The following GJB7 variants were observed in gnomAD, a reference collection of about 807,000 sequenced individuals.
GJB7 encodes the protein gap junction beta-7 protein.
For missense variants in GJB7, 253 were observed against 256.8 expected (o/e 0.99, Z 0.10); for synonymous variants, 87 against 95.2 (o/e 0.91, Z 0.50).
At chr6:87,320,876 T>A (rs1776647449) in intron 2 of GJB7, among the ~76,000 whole-genome samples, 2 of 152,098 alleles carry the variant, frequency 1.3e-5, no homozygotes, top group Admixed American at 1.3e-4. Context: ...AAAGAATAGA[T>A]GTGAATGTCT....
chr6:87,327,694 C>T (rs1393616296), intron 1 of GJB7, among the ~76,000 whole-genome samples: 2 of 146,084 alleles, frequency 1.4e-5, no homozygotes, highest in East Asian at 4.0e-4. Flanking sequence ...AACATTTTTT[C>T]CTTCATTTCA....
rs1280225148 is a variant in GJB7 at position 87,284,809 on chromosome 6, A to G, written c.104T>C (p.Val35Ala). The G allele has an allele frequency of 1.2e-6, 2 of 1,614,126 alleles. No homozygotes were observed. The highest frequency in any genetic ancestry group is 1.7e-6 in the Non-Finnish European group (2 of 1,180,016). Reference protein sequence around the residue: ...LAVVFVFRLLVYMVAAEHVWK... With the variant: ...LAVVFVFRLLAYMVAAEHVWK... ...CACGTGCTCTGCTGCCACCATGTAG[A>G]CCAGCAAACGGAAGACAAACACGAC... The change falls in exon 3 of 3, where the codon GTC (valine) becomes GCC (alanine). Residue 35 changes from valine (V) to alanine (A), a missense_variant. Physicochemically the swap from Val to Ala is moderately conservative, Grantham distance 64. Coordinates refer to ENST00000525899, the MANE Select transcript of GJB7 (RefSeq NM_198568.3).
chr6:87,326,331 C>G (rs916865942), intron 1 of GJB7, among the ~76,000 whole-genome samples: 3 of 152,072 alleles, frequency 2.0e-5, no homozygotes, highest in Non-Finnish European at 4.4e-5. Flanking sequence ...TTTGCTCTTG[C>G]TTTTCTAGTT....
At position 87,285,720 on chromosome 6, in the gene GJB7, GTGT is replaced by G. The variant is rs1270617380; in HGVS notation, c.-27-784_-27-782del. On this transcript the variant is annotated intron_variant, in intron 2 of 2. Transcript: ENST00000525899. ...TCTCTCAGTATACAAATATGCTTAA[GTGT>G]TGTCCATTTTTAGTGGGGGAGAGGG... 3.3e-5 allele frequency among the ~76,000 whole-genome samples: 5 copies of G among 152,312 alleles called. No individual in the cohort carries two copies. In the East Asian group the frequency reaches 9.6e-4, roughly 29 times the overall value.
intron 2 of GJB7, among the ~76,000 whole-genome samples, chr6:87,301,146 C>T (rs1458681900): frequency 2.6e-5 from 4 of 152,228 alleles, no homozygotes; most frequent in East Asian, 3.9e-4. Context: ...ACTGAGGTAC[C>T]GAGTTCAGCT....
intron 2 of GJB7, chr6:87,298,847 C>A: frequency 2.7e-6 from 1 of 377,056 alleles, no homozygotes. Flanking sequence ...CAGGATTTTG[C>A]CAAAGATGTA....
At chr6:87,300,205 G>T in intron 2 of GJB7, 1 of 208,790 alleles carries the variant, frequency 4.8e-6, no homozygotes, top group South Asian at 1.5e-4. Flanking sequence ...TAAGAATGCA[G>T]GTGTTGAAGG....
intron 1 of GJB7, 100 bp from the exon 2 acceptor site, chr6:87,323,143 A>G (rs1419074665): frequency 6.6e-6 from 1 of 152,246 alleles, no homozygotes; most frequent in Non-Finnish European, 1.5e-5. Flanking sequence ...ACAGTAGTCC[A>G]TGACATTGGG....
rs1379549109 is a variant in GJB7 at position 87,289,115 on chromosome 6, C to T, written c.-27-4176G>A. ...CACATCTCCAAAGGATACTGGATTC[C>T]AGACATGCTTTCCTTCCTTCAGTTT... On this transcript the variant is annotated intron_variant, in intron 2 of 2. Transcript: ENST00000525899. Among the ~76,000 whole-genome samples, 5 of 152,200 alleles carry T rather than the reference C, an allele frequency of 3.3e-5. No homozygotes were observed. The East Asian group carries it at 9.6e-4, about 29-fold the overall frequency.
chr6:87,327,288 G>A (rs1254035391), intron 1 of GJB7, among the ~76,000 whole-genome samples: 1 of 150,008 alleles, frequency 6.7e-6, no homozygotes, highest in African/African-American at 2.5e-5. Flanking sequence ...ATATTGTTAT[G>A]TGTGAATTTG....
intron 1 of GJB7, among the ~76,000 whole-genome samples, chr6:87,327,927 C>G (rs1216693370): frequency 1.3e-5 from 2 of 149,976 alleles, no homozygotes; most frequent in East Asian, 3.9e-4. Flanking sequence ...CACATAGTCC[C>G]ATATTTCTTG....
At chr6:87,323,616 A>G (rs1776729906) in intron 1 of GJB7, among the ~76,000 whole-genome samples, 1 of 151,968 alleles carries the variant, frequency 6.6e-6, no homozygotes, top group African/African-American at 2.4e-5. Context: ...ATCATTTTTT[A>G]TGGCTGCATA....
intron 2 of GJB7, among the ~76,000 whole-genome samples, chr6:87,314,547 T>C (rs1189933671): frequency 2.0e-5 from 3 of 152,236 alleles, no homozygotes; most frequent in African/African-American, 7.2e-5. Flanking sequence ...CGGAATTTTT[T>C]AGGACATGGA....
At chr6:87,302,225 T>C (rs1360410443) in intron 2 of GJB7, among the ~76,000 whole-genome samples, 3 of 152,026 alleles carry the variant, frequency 2.0e-5, no homozygotes, top group Admixed American at 6.5e-5. Flanking sequence ...CGATCAAACT[T>C]CTCCAAGCTA....
chr6:87,327,942 C>G (rs1776872929), intron 1 of GJB7, among the ~76,000 whole-genome samples: 1 of 149,994 alleles, frequency 6.7e-6, no homozygotes, highest in South Asian at 2.1e-4. Flanking sequence ...TTCTTGGAGG[C>G]TTTGCTTGTT....
chr6:87,301,195 T>C (rs1776318635), intron 2 of GJB7, among the ~76,000 whole-genome samples: 1 of 152,030 alleles, frequency 6.6e-6, no homozygotes, highest in African/African-American at 2.4e-5. Context: ...GGACAGTGGG[T>C]GCAGCCCACC....
At chr6:87,295,165 A>G (rs16878942) in intron 2 of GJB7, among the ~76,000 whole-genome samples, 12,471 of 152,216 alleles carry the variant, frequency 0.082, 868 homozygotes, top group African/African-American at 0.19. Flanking sequence ...ATTTTGGGGA[A>G]AAAAACAACT....
At chr6:87,302,750 A>G (rs946020814) in intron 2 of GJB7, among the ~76,000 whole-genome samples, 1 of 152,206 alleles carries the variant, frequency 6.6e-6, no homozygotes, top group African/African-American at 2.4e-5. Context: ...GTTGAAATGA[A>G]GGAAAAAATG....
At chr6:87,319,324 CA>C (rs1033340307) in intron 2 of GJB7, among the ~76,000 whole-genome samples, 1 of 152,228 alleles carries the variant, frequency 6.6e-6, no homozygotes, top group Non-Finnish European at 1.5e-5. Context: ...ATGAAATGGG[CA>C]AGGCCTTCAG....
Sources: allele counts gnomAD v4.1 joint callset (sites outside exome capture counted in the v4.1 genomes callset), GRCh38; gene constraint gnomAD v4.1.1; transcripts MANE v1.5; gene names NCBI Gene and HGNC (gene_info 2026-07-23, HGNC 2026-07-21).